The following ZC3H12B variants were observed in gnomAD, a reference collection of about 807,000 sequenced individuals.
The protein encoded by ZC3H12B is zinc finger CCCH-type containing 12B, also known as probable ribonuclease ZC3H12B.
ZC3H12B carries 7 observed loss-of-function variants against 43.9 expected under a neutral mutation model. The observed-to-expected ratio is 0.16, with a 90% confidence interval of 0.09 to 0.30. ZC3H12B has a LOEUF of 0.30. Ranked by LOEUF, ZC3H12B falls within the 10% of genes least tolerant of loss-of-function variation. The pLI, the probability that ZC3H12B is intolerant of heterozygous loss-of-function variation, is 1.00. For synonymous variants in ZC3H12B, 222 were observed against 241.7 expected, an observed-to-expected ratio of 0.92 and a Z score of 0.76; for missense variants, 475 against 670.2, an observed-to-expected ratio of 0.71 and a Z score of 3.22.
chrX:65,142,979 A>G, the ZC3H12B span, among the ~76,000 whole-genome samples: 1 of 110,805 alleles, frequency 9.0e-6, no homozygotes, highest in Non-Finnish European at 1.9e-5. Flanking sequence ...CTTTGACTAC[A>G]TGGGCTCTTT....
At chrX:65,150,580 C>T in the ZC3H12B span, among the ~76,000 whole-genome samples, 2 of 110,300 alleles carry the variant, frequency 1.8e-5, no homozygotes, top group East Asian at 2.9e-4. Context: ...TGAGTGAGAA[C>T]ATGTGGTGTT....
chrX:65,230,390 G>A, the ZC3H12B span, among the ~76,000 whole-genome samples: 50 of 108,965 alleles, frequency 4.6e-4, no homozygotes, highest in Non-Finnish European at 5.3e-4. Context: ...GTTGTGGGAT[G>A]GGGGGAAGGG....
At chrX:65,055,635 T>C in the ZC3H12B span, among the ~76,000 whole-genome samples, 5 of 112,102 alleles carry the variant, frequency 4.5e-5, no homozygotes, top group South Asian at 1.9e-3. Context: ...TCTTTTTCTA[T>C]TGATTGGAAT....
chrX:65,265,088 C>T, the ZC3H12B span, among the ~76,000 whole-genome samples: 1 of 111,700 alleles, frequency 9.0e-6, no homozygotes, highest in South Asian at 3.7e-4. Flanking sequence ...ATAATAATTA[C>T]GATCTCTAAC....
the ZC3H12B span, among the ~76,000 whole-genome samples, chrX:65,153,948 G>A: frequency 9.0e-6 from 1 of 110,827 alleles, no homozygotes; most frequent in Admixed American, 9.6e-5. Context: ...GATGAAATTG[G>A]AAATCATCAT....
the ZC3H12B span, among the ~76,000 whole-genome samples, chrX:65,076,927 A>G: frequency 4.5e-5 from 5 of 111,640 alleles, no homozygotes; most frequent in Admixed American, 1.9e-4. Context: ...GTATCAGTTA[A>G]TGATCTTTTC....
chrX:65,440,318 A>G (rs2067285753), intron 3 of ZC3H12B, among the ~76,000 whole-genome samples: 1 of 112,522 alleles, frequency 8.9e-6, no homozygotes, highest in Non-Finnish European at 1.9e-5. Flanking sequence ...AATTGGATAA[A>G]TAAAGTCATC....
intron 3 of ZC3H12B, among the ~76,000 whole-genome samples, chrX:65,454,758 C>T (rs991788424): frequency 4.5e-5 from 5 of 111,250 alleles, no homozygotes; most frequent in African/African-American, 9.8e-5. Flanking sequence ...CTCACATGGC[C>T]GGGTACTCCT....
the ZC3H12B span, among the ~76,000 whole-genome samples, chrX:65,128,239 A>T: frequency 5.3e-5 from 6 of 112,254 alleles, no homozygotes; most frequent in South Asian, 2.2e-3. Flanking sequence ...AGAATGGGGT[A>T]GTATCTTAGG....
At chrX:65,158,342 C>T in the ZC3H12B span, among the ~76,000 whole-genome samples, 9 of 111,334 alleles carry the variant, frequency 8.1e-5, no homozygotes, top group Non-Finnish European at 1.1e-4. Context: ...CCTGAGGAAT[C>T]GCCACACTGA....
At chrX:65,109,201 A>G in the ZC3H12B span, among the ~76,000 whole-genome samples, 2 of 111,707 alleles carry the variant, frequency 1.8e-5, no homozygotes. Context: ...CTTTACTGAG[A>G]TATAATTTAT....
chrX:65,315,443 G>C, the ZC3H12B span, among the ~76,000 whole-genome samples: 1 of 111,396 alleles, frequency 9.0e-6, no homozygotes, highest in Admixed American at 9.6e-5. Context: ...GAAGGATACT[G>C]TAAATGTTGT....
At chrX:65,316,745 G>T in the ZC3H12B span, among the ~76,000 whole-genome samples, 2 of 111,695 alleles carry the variant, frequency 1.8e-5, no homozygotes, top group South Asian at 7.5e-4. Context: ...AATAAAATCT[G>T]CATGACAATC....
At chrX:65,248,556 G>A in the ZC3H12B span, among the ~76,000 whole-genome samples, 2 of 111,876 alleles carry the variant, frequency 1.8e-5, no homozygotes, top group Admixed American at 1.9e-4. Context: ...GGACACAGCA[G>A]TGAGTATAAC....
the ZC3H12B span, among the ~76,000 whole-genome samples, chrX:65,263,745 C>T: frequency 6.6e-3 from 733 of 111,411 alleles, 3 homozygotes; most frequent in Non-Finnish European, 9.6e-3. Context: ...CTATAGAAAA[C>T]ATTGTGCAGA....
chrX:65,391,204 C>T (rs1318807773), intron 2 of ZC3H12B, among the ~76,000 whole-genome samples: 1 of 112,114 alleles, frequency 8.9e-6, no homozygotes, highest in Non-Finnish European at 1.9e-5. Context: ...TACTTCATGG[C>T]TTTTCCAATA....
the ZC3H12B span, among the ~76,000 whole-genome samples, chrX:65,294,128 G>A: frequency 9.0e-6 from 1 of 111,475 alleles, no homozygotes; most frequent in Admixed American, 9.6e-5. Flanking sequence ...ACCTATAAAG[G>A]AAAACCTATC....
At chrX:65,353,040 G>GCGTA in the ZC3H12B span, among the ~76,000 whole-genome samples, 2 of 110,052 alleles carry the variant, frequency 1.8e-5, no homozygotes, top group African/African-American at 6.6e-5. Flanking sequence ...GTGTGTGTGT[G>GCGTA]CGTATGGGAT....
rs188147143 is a variant in ZC3H12B, at chrX:65,494,673, C to T, written c.609-2459C>T. Reference sequence around the variant, plus strand: ...GCGTGCGTTTGTAATCCCAGCTACTCGGGAGGCTGAGACAGGAGAATTGCT... The same window carrying T: ...GCGTGCGTTTGTAATCCCAGCTACTTGGGAGGCTGAGACAGGAGAATTGCT... On this transcript the variant is annotated intron_variant, in intron 1 of 4. Coordinates refer to ENST00000338957, the Ensembl canonical transcript of ZC3H12B. Among the ~76,000 whole-genome samples, 331 of 108,847 alleles carry T rather than the reference C, an allele frequency of 3.0e-3. 1 individual carries two copies. The highest frequency in any genetic ancestry group is 0.011 in the African/African-American group (318 of 29,958). The allele number at this position is 108,847 out of a possible 115,157, so 94.5% of individuals were successfully genotyped here.
Sources: gnomAD v4.1 joint callset for allele counts (sites outside exome capture counted in the v4.1 genomes callset) on GRCh38, gnomAD v4.1.1 for gene constraint, MANE v1.5 for transcripts, NCBI Gene and HGNC (gene_info 2026-07-23, HGNC 2026-07-21) for gene names.